The following RPS6KC1 variants were observed in gnomAD, a reference collection of about 807,000 sequenced individuals.
The protein encoded by RPS6KC1 is inactive ribosomal protein S6 kinase delta-1.
Under a neutral mutation model 103.8 loss-of-function variants are expected in RPS6KC1, and 54 were observed. The observed-to-expected ratio is 0.52, with a 90% CI of 0.42 to 0.65. RPS6KC1 has a LOEUF of 0.65. RPS6KC1 is among the 30% of genes least tolerant of loss of function. The probability of loss-of-function intolerance (pLI) is 0.00; values close to 1 mark genes in which losing one functional copy is unlikely to be tolerated. For synonymous variants in RPS6KC1, 439 were observed against 438.7 expected (o/e 1.00, Z -0.01); for missense variants, 1,151 against 1,253.8 (o/e 0.92, Z 1.24).
chr1:213,511,911 TA>T, the RPS6KC1 span, among the ~76,000 whole-genome samples: 1 of 152,216 alleles, frequency 6.6e-6, no homozygotes, highest in Non-Finnish European at 1.5e-5. Flanking sequence ...TCCACTAACA[TA>T]AGCTCCATAA....
the RPS6KC1 span, among the ~76,000 whole-genome samples, chr1:213,499,274 A>C: frequency 6.6e-6 from 1 of 152,168 alleles, no homozygotes; most frequent in South Asian, 2.1e-4. Context: ...CATCATATTC[A>C]TGTCACTTGA....
At chr1:213,680,542 C>T in the RPS6KC1 span, among the ~76,000 whole-genome samples, 1 of 152,054 alleles carries the variant, frequency 6.6e-6, no homozygotes, top group African/African-American at 2.4e-5. Flanking sequence ...AGTCACTGAC[C>T]AGGGGACAGC....
At chr1:213,217,765 C>A (rs1373551649) in intron 8 of RPS6KC1, among the ~76,000 whole-genome samples, 1 of 152,126 alleles carries the variant, frequency 6.6e-6, no homozygotes, top group Non-Finnish European at 1.5e-5. Context: ...GAACCAATGA[C>A]AAAAACCACA....
chr1:213,756,173 C>A, the RPS6KC1 span, among the ~76,000 whole-genome samples: 2 of 152,242 alleles, frequency 1.3e-5, no homozygotes, highest in Non-Finnish European at 2.9e-5. Context: ...ATCCCTCCTC[C>A]TGATGTCATC....
At chr1:213,074,418 C>G (rs1443939432) in intron 2 of RPS6KC1, among the ~76,000 whole-genome samples, 1 of 152,096 alleles carries the variant, frequency 6.6e-6, no homozygotes. Context: ...AAGTATTGAA[C>G]ATTAATTAGA....
At chr1:213,833,209 G>T in the RPS6KC1 span, among the ~76,000 whole-genome samples, 34 of 152,292 alleles carry the variant, frequency 2.2e-4, no homozygotes, top group Non-Finnish European at 1.9e-4. Flanking sequence ...TTCCCTTTGT[G>T]ATGGCAACAC....
chr1:213,541,584 C>T, the RPS6KC1 span, among the ~76,000 whole-genome samples: 33 of 152,064 alleles, frequency 2.2e-4, no homozygotes, highest in African/African-American at 6.5e-4. Flanking sequence ...AAAAAAAATC[C>T]ACAATGCCTG....
At chr1:213,847,184 T>C in the RPS6KC1 span, among the ~76,000 whole-genome samples, 1 of 152,218 alleles carries the variant, frequency 6.6e-6, no homozygotes, top group African/African-American at 2.4e-5. Flanking sequence ...TTATTTGGCA[T>C]AGATCTTCAC....
chr1:213,547,523 C>T, the RPS6KC1 span, among the ~76,000 whole-genome samples: 5 of 152,280 alleles, frequency 3.3e-5, no homozygotes, highest in South Asian at 1.0e-3. Flanking sequence ...ATAGTATGCA[C>T]CTGATGTAGT....
chr1:213,367,386 C>T, the RPS6KC1 span, among the ~76,000 whole-genome samples: 1 of 152,206 alleles, frequency 6.6e-6, no homozygotes, highest in Non-Finnish European at 1.5e-5. Flanking sequence ...AGTAAAAATC[C>T]TCCGGCTGCT....
chr1:213,718,378 C>T, the RPS6KC1 span, among the ~76,000 whole-genome samples: 1 of 152,192 alleles, frequency 6.6e-6, no homozygotes, highest in Non-Finnish European at 1.5e-5. Flanking sequence ...TTATTATCCT[C>T]CTTTACAGAT....
At chr1:213,190,020 GTA>G (rs1168247167) in intron 8 of RPS6KC1, among the ~76,000 whole-genome samples, 1 of 152,094 alleles carries the variant, frequency 6.6e-6, no homozygotes, top group African/African-American at 2.4e-5. Flanking sequence ...ACTTCATTTT[GTA>G]TATATACCAC....
At chr1:213,427,541 C>G in the RPS6KC1 span, among the ~76,000 whole-genome samples, 1 of 152,180 alleles carries the variant, frequency 6.6e-6, no homozygotes, top group East Asian at 1.9e-4. Flanking sequence ...ATTTTTCTGT[C>G]CATTTATAAA....
At chr1:213,825,256 G>A in the RPS6KC1 span, among the ~76,000 whole-genome samples, 3 of 152,136 alleles carry the variant, frequency 2.0e-5, no homozygotes, top group Non-Finnish European at 4.4e-5. Context: ...AGCTAGACAG[G>A]ACTCACTTTC....
chr1:213,511,746 C>T, the RPS6KC1 span, among the ~76,000 whole-genome samples: 1 of 152,202 alleles, frequency 6.6e-6, no homozygotes, highest in Non-Finnish European at 1.5e-5. Context: ...TTTCTTCAAG[C>T]CTTTGTTTAA....
chr1:213,653,943 C>T, the RPS6KC1 span, among the ~76,000 whole-genome samples: 1 of 152,228 alleles, frequency 6.6e-6, no homozygotes, highest in Admixed American at 6.5e-5. Flanking sequence ...CATTGTCACA[C>T]AGCTAGTTTA....
At chr1:213,327,040 C>CTTTTTT in the RPS6KC1 span, among the ~76,000 whole-genome samples, 1 of 136,840 alleles carries the variant, frequency 7.3e-6, no homozygotes, top group Non-Finnish European at 1.6e-5. Context: ...TTTTCTTTTT[C>CTTTTTT]TTTTTTTTTT....
At chr1:213,701,330 A>G in the RPS6KC1 span, among the ~76,000 whole-genome samples, 2 of 151,920 alleles carry the variant, frequency 1.3e-5, no homozygotes, top group East Asian at 3.8e-4. Context: ...TCTGTCCTTC[A>G]TTCTGTTGAT....
the RPS6KC1 span, among the ~76,000 whole-genome samples, chr1:213,363,505 G>T: frequency 1.3e-5 from 2 of 152,192 alleles, no homozygotes; most frequent in African/African-American, 4.8e-5. Flanking sequence ...GCATCTCCAG[G>T]TGTTGTATCT....
Sources: gnomAD v4.1 joint callset for allele counts (sites outside exome capture counted in the v4.1 genomes callset) on GRCh38, gnomAD v4.1.1 for gene constraint, MANE v1.5 for transcripts, NCBI Gene and HGNC (gene_info 2026-07-23, HGNC 2026-07-21) for gene names.